Variants in LRRTM4 observed in about 807,000 individuals in gnomAD.
LRRTM4 encodes the protein leucine-rich repeat transmembrane neuronal protein 4.
Under a neutral mutation model 47.6 loss-of-function variants are expected in LRRTM4, and 25 were observed. The observed-to-expected ratio is 0.53, with a 90% CI of 0.38 to 0.73. LRRTM4 has a LOEUF of 0.73. LRRTM4 is among the 30% of genes least tolerant of loss of function. The probability of loss-of-function intolerance (pLI) is 0.00; values close to 1 mark genes in which losing one functional copy is unlikely to be tolerated. For missense variants in LRRTM4, 638 were observed against 713.4 expected, an observed-to-expected ratio of 0.89 and a Z score of 1.20; for synonymous variants, 311 against 269.5, an observed-to-expected ratio of 1.15 and a Z score of -1.51.
At chr2:77,426,223 A>G (rs2103893393) in intron 3 of LRRTM4, among the ~76,000 whole-genome samples, 1 of 152,116 alleles carries the variant, frequency 6.6e-6, no homozygotes, top group Middle Eastern at 3.4e-3. Context: ...AAGCTCATTT[A>G]CTTCTTAGTG....
At chr2:77,099,240 A>C (rs1670887883) in intron 3 of LRRTM4, among the ~76,000 whole-genome samples, 1 of 151,924 alleles carries the variant, frequency 6.6e-6, no homozygotes, top group Non-Finnish European at 1.5e-5. Context: ...GAATAATGAA[A>C]ACATTAACTG....
At chr2:76,853,593 G>A (rs1672061263) in intron 3 of LRRTM4, among the ~76,000 whole-genome samples, 1 of 151,670 alleles carries the variant, frequency 6.6e-6, no homozygotes, top group African/African-American at 2.4e-5. Context: ...ACCTCCCTAT[G>A]GTACTACTTA....
intron 3 of LRRTM4, among the ~76,000 whole-genome samples, chr2:76,777,685 T>A (rs1212615008): frequency 1.9e-4 from 29 of 151,034 alleles, no homozygotes; most frequent in African/African-American, 6.8e-4. Context: ...TTTCTAGATA[T>A]ACAATCATGT....
chr2:76,824,703 C>A (rs1472815744), intron 3 of LRRTM4, among the ~76,000 whole-genome samples: 5 of 150,736 alleles, frequency 3.3e-5, no homozygotes, highest in African/African-American at 7.4e-5. Context: ...ATTTGAAACA[C>A]CGCAAAGGAG....
At chr2:77,392,283 T>G (rs1376573460) in intron 3 of LRRTM4, among the ~76,000 whole-genome samples, 4 of 151,706 alleles carry the variant, frequency 2.6e-5, no homozygotes, top group Admixed American at 2.0e-4. Context: ...CTGGAAGCCC[T>G]GCCCCCCACC....
chr2:77,398,016 G>A (rs1673768541), intron 3 of LRRTM4, among the ~76,000 whole-genome samples: 1 of 151,740 alleles, frequency 6.6e-6, no homozygotes, highest in Admixed American at 6.6e-5. Flanking sequence ...ATTCCTATAT[G>A]TCATCTACCC....
intron 3 of LRRTM4, among the ~76,000 whole-genome samples, chr2:77,152,648 C>G (rs993877337): frequency 2.0e-5 from 3 of 151,952 alleles, no homozygotes; most frequent in Admixed American, 6.6e-5. Flanking sequence ...ATCTTAGTTT[C>G]TTCATTCACT....
At chr2:77,272,741 A>G (rs974685672) in intron 3 of LRRTM4, among the ~76,000 whole-genome samples, 2 of 152,092 alleles carry the variant, frequency 1.3e-5, no homozygotes, top group Admixed American at 1.3e-4. Flanking sequence ...ATTTGATCCC[A>G]TGAGAGCTGG....
intron 3 of LRRTM4, among the ~76,000 whole-genome samples, chr2:76,766,876 AAAG>A (rs1192451276): frequency 6.6e-6 from 1 of 152,160 alleles, no homozygotes; most frequent in Non-Finnish European, 1.5e-5. Context: ...CCCAAGGAAA[AAAG>A]AACTATCTGA....
At chr2:76,912,500 A>G (rs1674104513) in intron 3 of LRRTM4, among the ~76,000 whole-genome samples, 3 of 152,208 alleles carry the variant, frequency 2.0e-5, no homozygotes, top group African/African-American at 7.2e-5. Flanking sequence ...AAACAAAATC[A>G]CAAGCAATTG....
intron 3 of LRRTM4, among the ~76,000 whole-genome samples, chr2:76,905,126 T>C (rs6735718): frequency 0.41 from 62,891 of 151,886 alleles, 14,801 homozygotes; most frequent in East Asian, 0.72. Context: ...ACACCTCACA[T>C]GGCCGGGTAC....
intron 3 of LRRTM4, among the ~76,000 whole-genome samples, chr2:76,751,357 G>T (rs572903095): frequency 6.7e-6 from 1 of 150,222 alleles, no homozygotes; most frequent in Admixed American, 6.8e-5. Flanking sequence ...TTACAAAATA[G>T]TAACAAGAGT....
intron 3 of LRRTM4, among the ~76,000 whole-genome samples, chr2:76,851,457 C>G (rs1671992398): frequency 6.6e-6 from 1 of 152,098 alleles, no homozygotes; most frequent in South Asian, 2.1e-4. Context: ...GTATTGAGCA[C>G]AAGTGAGTTA....
chr2:77,056,419 A>G (rs1679611357), intron 3 of LRRTM4, among the ~76,000 whole-genome samples: 1 of 152,338 alleles, frequency 6.6e-6, no homozygotes, highest in Middle Eastern at 3.4e-3. Context: ...ATCAAGGGCA[A>G]CTACAAGACT....
At chr2:77,380,219 AT>A (rs1404108179) in intron 3 of LRRTM4, among the ~76,000 whole-genome samples, 1 of 152,122 alleles carries the variant, frequency 6.6e-6, no homozygotes, top group East Asian at 1.9e-4. Flanking sequence ...AAAGATTTTT[AT>A]TGCTACATAT....
intron 3 of LRRTM4, among the ~76,000 whole-genome samples, chr2:77,000,151 G>C (rs1276473252): frequency 7.9e-6 from 1 of 126,624 alleles, no homozygotes; most frequent in Non-Finnish European, 1.6e-5. Context: ...GAGTGGGAAA[G>C]TATGTCCGTA....
intron 3 of LRRTM4, among the ~76,000 whole-genome samples, chr2:76,819,784 A>C (rs1301201734): frequency 6.6e-6 from 1 of 151,922 alleles, no homozygotes; most frequent in Non-Finnish European, 1.5e-5. Context: ...AGTAGATCTA[A>C]AATTCTATTT....
At chr2:77,089,054 T>A (rs1037957237) in intron 3 of LRRTM4, among the ~76,000 whole-genome samples, 3 of 152,080 alleles carry the variant, frequency 2.0e-5, no homozygotes, top group African/African-American at 7.2e-5. Flanking sequence ...CAGGGACACC[T>A]CTCTGATTAT....
At chr2:77,483,107 C>A (rs1301095875) in intron 3 of LRRTM4, among the ~76,000 whole-genome samples, 2 of 87,512 alleles carry the variant, frequency 2.3e-5, no homozygotes, top group African/African-American at 4.7e-5. Flanking sequence ...GGAGGCAGAG[C>A]AAGACTGTCT....
Sources: allele counts gnomAD v4.1 joint callset (sites outside exome capture counted in the v4.1 genomes callset), GRCh38; gene constraint gnomAD v4.1.1; transcripts MANE v1.5; gene names NCBI Gene and HGNC (gene_info 2026-07-23, HGNC 2026-07-21).